GLI3: variants seen among roughly 807,000 people sequenced by gnomAD.
GLI3 encodes the protein transcription activator GLI3.
In GLI3, 20 loss-of-function variants were observed where a neutral mutation model predicts 100.8. That is an observed-to-expected ratio of 0.20 (90% CI 0.14 to 0.29). The LOEUF is 0.29. Among genes scored for constraint, GLI3 ranks in the 10% least tolerant of loss-of-function variants. The pLI is 1.00. For synonymous variants in GLI3, 938 were observed against 860.5 expected, an observed-to-expected ratio of 1.09 and a Z score of -1.58; for missense variants, 2,040 against 2,128.5, an observed-to-expected ratio of 0.96 and a Z score of 0.82.
intron 3 of GLI3, among the ~76,000 whole-genome samples, chr7:42,126,355 A>T (rs1786130972): frequency 6.6e-6 from 1 of 151,552 alleles, no homozygotes; most frequent in South Asian, 2.1e-4. Context: ...ACTATTTCTC[A>T]TACTGAGTGA....
chr7:42,014,759 T>C (rs575134517), intron 10 of GLI3, among the ~76,000 whole-genome samples: 73 of 152,248 alleles, frequency 4.8e-4, no homozygotes, highest in African/African-American at 1.6e-3. Flanking sequence ...CCCAGCACCC[T>C]AGATCGGACA....
chr7:42,042,180 T>G (rs1260554872), intron 6 of GLI3, among the ~76,000 whole-genome samples: 2 of 151,316 alleles, frequency 1.3e-5, no homozygotes, highest in Admixed American at 1.3e-4. Context: ...GCCCGGATAA[T>G]TTTTTTTTAT....
intron 4 of GLI3, among the ~76,000 whole-genome samples, chr7:42,061,177 T>C (rs146905821): frequency 1.4e-4 from 22 of 152,258 alleles, no homozygotes; most frequent in African/African-American, 5.3e-4. Context: ...TTGCTTAATC[T>C]TGGGTCTGGT....
In GLI3 at chr7:41,965,301, G is replaced by C. The variant is rs754908186; in HGVS notation, c.3772C>G (p.Leu1258Val). 165 of 1,613,804 alleles carry C rather than the reference G, an allele frequency of 1.0e-4. No individual in the cohort carries two copies. Among genetic ancestry groups the C allele is most frequent in the Admixed American group, 4.5e-4 (27 of 60,002 alleles). The change falls in exon 15 of 15, where the codon CTC becomes GTC. Residue 1258 changes from leucine to valine, a missense_variant. Leu to Val is a conservative substitution (Grantham distance 32). Around this residue, in one of 5 missense-constraint regions of GLI3, gnomAD observed 1,041 missense variants for 924.0 expected, o/e 1.13. Coordinates refer to ENST00000395925, the MANE Select transcript of GLI3 (RefSeq NM_000168.6). ...CCAGGGGCCACTGGCTGCCTGTTGAGACAGTTCCCATACTGCGGGGCCTTA... is the reference window on the plus strand; with the variant it reads ...CCAGGGGCCACTGGCTGCCTGTTGACACAGTTCCCATACTGCGGGGCCTTA... The part of the protein sequence containing the change: ...PCKAPQYGNC[L>V]NRQPVAPGAL...
rs542280786 is a variant in GLI3, at chr7:41,966,001, G to A, written c.3072C>T (p.Phe1024=). The change falls in exon 15 of 15, where the codon TTC becomes TTT. Residue 1024 remains phenylalanine (F), a synonymous_variant. Coordinates refer to ENST00000395925, the MANE Select transcript of GLI3 (RefSeq NM_000168.6). The surrounding 1 kb of genome is among the most constrained non-coding windows in gnomAD (Gnocchi z 5.8). The stretch of plus-strand genomic sequence containing the variant: ...GGGGGTTGCAGCTGCTGAGGCTGCT[G>A]AAGCGCGGCACACGAGGCAGGGCCA... The part of the protein sequence containing the change: ...EGLALPRVPR[F]SSLSSCNPPA... 3.7e-6 allele frequency: 6 copies of A among 1,602,232 alleles called. No homozygotes were observed. Among genetic ancestry groups the A allele is most frequent in the African/African-American group, 2.7e-5 (2 of 75,026 alleles).
chr7:42,004,679 T>C (rs1043463060), intron 10 of GLI3, among the ~76,000 whole-genome samples: 1 of 152,334 alleles, frequency 6.6e-6, no homozygotes, highest in South Asian at 2.1e-4. Flanking sequence ...GGTCTCACTA[T>C]GTTGCCAGGC....
At chr7:42,197,627 G>A (rs1787953815) in intron 2 of GLI3, among the ~76,000 whole-genome samples, 1 of 152,218 alleles carries the variant, frequency 6.6e-6, no homozygotes, top group African/African-American at 2.4e-5. Context: ...GTACAGAGAA[G>A]GATGGGGGCC....
intron 4 of GLI3, among the ~76,000 whole-genome samples, chr7:42,054,520 T>C (rs1001955621): frequency 1.4e-4 from 22 of 152,202 alleles, no homozygotes; most frequent in Admixed American, 2.6e-4. Context: ...GTTGGTTTTT[T>C]ACATAAGCTT....
In GLI3 at chr7:41,965,790, C is replaced by A. The variant is rs370778213; in HGVS notation, c.3283G>T (p.Asp1095Tyr). The change falls in exon 15 of 15, where the codon GAC becomes TAC. Residue 1095 changes from aspartate (D) to tyrosine (Y), a missense_variant. By Grantham distance (160) the Asp-to-Tyr change is radical (BLOSUM62 -3). Around this residue, in one of 5 missense-constraint regions of GLI3, gnomAD observed 1,041 missense variants for 924.0 expected, o/e 1.13. Coordinates refer to ENST00000395925, the MANE Select transcript of GLI3 (RefSeq NM_000168.6). ...NLNDEDFLPD[D>Y]VVQYLNSQNQ... ...TGGGAATTTAAATACTGCACCACGT[C>A]GTCCGGCAGGAAATCCTCATCGTTC... 1.2e-6 allele frequency: 2 copies of A among 1,613,350 alleles called. No homozygotes were observed. The highest frequency in any genetic ancestry group is 1.7e-6 in the Non-Finnish European group (2 of 1,179,954).
At chr7:42,145,629 A>AT (rs2128785122) in intron 3 of GLI3, 1 of 398,208 alleles carries the variant, frequency 2.5e-6, no homozygotes, top group East Asian at 3.6e-5. Context: ...AAAGAAAAAA[A>AT]AAAAAAACAG....
chr7:42,072,960 G>A (rs2128750756), intron 4 of GLI3, among the ~76,000 whole-genome samples: 1 of 152,274 alleles, frequency 6.6e-6, no homozygotes, highest in Admixed American at 6.5e-5. Flanking sequence ...AAGACCTGGT[G>A]AATTCAGTGG....
chr7:42,211,502 C>G (rs559648117), intron 2 of GLI3, among the ~76,000 whole-genome samples: 1 of 152,258 alleles, frequency 6.6e-6, no homozygotes, highest in East Asian at 1.9e-4. Context: ...TTTTTAAATG[C>G]TTGGAACAAA....
chr7:41,965,911 G>A lies in GLI3; in HGVS notation c.3162C>T (p.Gly1054=), dbSNP rs554127075. Residue 1054 remains glycine, a synonymous_variant, in exon 15 of 15, where the codon GGC becomes GGT. Transcript: ENST00000395925. ...ACGAGTGGAAGTTTCGGGACTGGCC[G>A]CCCTCGGGCCGCGTGTAATTCTGAA... ...LVLQNYTRPE[G]GQSRNFHSSP... is the part of the protein sequence containing the mutation. 1.2e-5 allele frequency: 20 copies of A among 1,613,430 alleles called. No homozygotes were observed. In the Admixed American group the frequency reaches 3.2e-4, roughly 26 times the overall value.
chr7:42,224,507 G>A (rs938960192), intron 1 of GLI3, among the ~76,000 whole-genome samples: 1 of 152,236 alleles, frequency 6.6e-6, no homozygotes, highest in African/African-American at 2.4e-5. Context: ...ATGGCACACT[G>A]TAGCACCGGC....
At chr7:42,039,569 A>T (rs1378276994) in intron 7 of GLI3, among the ~76,000 whole-genome samples, 2 of 152,172 alleles carry the variant, frequency 1.3e-5, no homozygotes, top group Admixed American at 1.3e-4. Context: ...ATCAGACGAA[A>T]AGTCCTGCTG....
At chr7:42,238,000 G>GCCGCCGCCT (rs1554343809), upstream of GLI3, 17 of 146,170 alleles carry the variant, frequency 1.2e-4, no homozygotes, top group East Asian at 1.9e-4. Flanking sequence ...CGCCGCCGCC[G>GCCGCCGCCT]CCGCCTCCTC....
chr7:42,041,666 C>G (rs1784141313), intron 6 of GLI3, among the ~76,000 whole-genome samples: 1 of 152,048 alleles, frequency 6.6e-6, no homozygotes, highest in Non-Finnish European at 1.5e-5. Flanking sequence ...TGTCCAGGCT[C>G]TTGGTCTCCA....
At chr7:42,048,376 C>T (rs183199898) in intron 5 of GLI3, 115 bp downstream of exon 5, 415 of 790,982 alleles carry the variant, frequency 5.2e-4, no homozygotes, top group Non-Finnish European at 7.9e-4. Context: ...CAGAGCACAG[C>T]GCCTGGCACA....
At chr7:42,007,783 G>A (rs1334084074) in intron 10 of GLI3, among the ~76,000 whole-genome samples, 7 of 152,146 alleles carry the variant, frequency 4.6e-5, no homozygotes, top group Non-Finnish European at 8.8e-5. Context: ...AGGAAAAACT[G>A]AGGCCTCACA....
Sources: gnomAD v4.1 joint callset for allele counts (sites outside exome capture counted in the v4.1 genomes callset) on GRCh38, gnomAD v4.1.1 for gene constraint, gnomAD v4.1.1 regional missense constraint, Gnocchi (gnomAD v3.1) non-coding constraint, MANE v1.5 for transcripts, NCBI Gene and HGNC (gene_info 2026-07-23, HGNC 2026-07-21) for gene names.